LDB2: variants seen among roughly 807,000 people sequenced by gnomAD.
LDB2 encodes LIM domain-binding protein 2.
Under a neutral mutation model 44.3 loss-of-function variants are expected in LDB2, and 12 were observed. That is an observed-to-expected ratio of 0.27 (90% CI 0.17 to 0.44). The LOEUF is 0.44. LDB2 is among the 20% of genes least tolerant of loss of function. The pLI, the probability that LDB2 is intolerant of heterozygous loss-of-function variation, is 1.00. For missense variants in LDB2, 344 were observed against 473.5 expected (o/e 0.73, Z 2.54); for synonymous variants, 164 against 174.8 (o/e 0.94, Z 0.49).
At chr4:16,630,235 T>C (rs1731530431) in intron 2 of LDB2, among the ~76,000 whole-genome samples, 1 of 152,204 alleles carries the variant, frequency 6.6e-6, no homozygotes, top group African/African-American at 2.4e-5. Context: ...CTAACAGTGA[T>C]GTCTCTGCAG....
chr4:16,675,250 T>C (rs1578686335), intron 2 of LDB2, among the ~76,000 whole-genome samples: 1 of 152,336 alleles, frequency 6.6e-6, no homozygotes, highest in African/African-American at 2.4e-5. Context: ...CACACCTGAC[T>C]TAATTCAGAT....
chr4:16,648,424 G>C (rs1737368367), intron 2 of LDB2, among the ~76,000 whole-genome samples: 1 of 152,180 alleles, frequency 6.6e-6, no homozygotes, highest in African/African-American at 2.4e-5. Flanking sequence ...GGTCAAGCAG[G>C]CATTGTGTAT....
chr4:16,560,586 A>G (rs1384230687), intron 5 of LDB2, among the ~76,000 whole-genome samples: 2 of 152,296 alleles, frequency 1.3e-5, no homozygotes, highest in African/African-American at 2.4e-5. Context: ...TAGCTTACCA[A>G]CCAAAAAGAG....
rs534619538 is a variant in LDB2 at position 16,507,720 on chromosome 4, G to A, written c.891+815C>T. Reference sequence around the variant, plus strand: ...TGGTATGACAGGGACAGCAGAGAAGGAACAGAAGCACTTTAAAGGAGCAAA... The same window carrying A: ...TGGTATGACAGGGACAGCAGAGAAGAAACAGAAGCACTTTAAAGGAGCAAA... On this transcript the variant is annotated intron_variant, in intron 7 of 7. Coordinates refer to ENST00000304523, the MANE Select transcript of LDB2 (RefSeq NM_001290.5). Among the ~76,000 whole-genome samples the A allele has an allele frequency of 7.9e-5, 12 of 152,242 alleles. No individual in the cohort carries two copies. In the South Asian group the frequency reaches 2.3e-3, roughly 29 times the overall value.
intron 7 of LDB2, chr4:16,506,392 A>T (rs2152209077): frequency 6.2e-6 from 1 of 162,102 alleles, no homozygotes; most frequent in South Asian, 1.8e-4. Context: ...CCTTGCTCTT[A>T]ATCACACAAA....
intron 2 of LDB2, among the ~76,000 whole-genome samples, chr4:16,742,559 GA>G (rs1763525528): frequency 6.6e-6 from 1 of 152,184 alleles, no homozygotes; most frequent in Non-Finnish European, 1.5e-5. Context: ...TGGTGGAGAA[GA>G]AAGACTTTTT....
intron 5 of LDB2, among the ~76,000 whole-genome samples, chr4:16,554,644 G>A (rs1738875615): frequency 6.6e-6 from 1 of 152,188 alleles, no homozygotes; most frequent in South Asian, 2.1e-4. Context: ...AACTGTAAAT[G>A]CATATTGCTA....
chr4:16,827,308 G>A (rs1783238339), intron 1 of LDB2, among the ~76,000 whole-genome samples: 1 of 152,184 alleles, frequency 6.6e-6, no homozygotes, highest in Admixed American at 6.6e-5. Context: ...CTGGATACAG[G>A]TTGAGATTTT....
At chr4:16,551,188 G>T (rs570219324) in intron 5 of LDB2, among the ~76,000 whole-genome samples, 1 of 152,154 alleles carries the variant, frequency 6.6e-6, no homozygotes, top group East Asian at 1.9e-4. Flanking sequence ...AATTTAGGAG[G>T]GTCGATTGAG....
In LDB2 at chr4:16,671,189, G is replaced by A. The variant is rs201094977; in HGVS notation, c.236-75314C>T. Among the ~76,000 whole-genome samples the A allele has an allele frequency of 1.5e-4, 23 of 152,124 alleles. No homozygotes were observed. The East Asian group carries it at 4.1e-3, about 27-fold the overall frequency. ...TCCCTCTTAAAATTTGGAAGTGGGG[G>A]GATATTAAAATCTAGGTGTACCCTT... On this transcript the variant is annotated intron_variant, in intron 2 of 7. Transcript: ENST00000304523.
At chr4:16,708,916 G>T (rs1194927076) in intron 2 of LDB2, among the ~76,000 whole-genome samples, 3 of 152,016 alleles carry the variant, frequency 2.0e-5, no homozygotes, top group African/African-American at 7.2e-5. Context: ...CACTCTGCAG[G>T]TCTCTACCCT....
chr4:16,665,734 G>T (rs1578601596), intron 2 of LDB2, among the ~76,000 whole-genome samples: 1 of 152,218 alleles, frequency 6.6e-6, no homozygotes, highest in East Asian at 1.9e-4. Flanking sequence ...TGTCCATTTG[G>T]AACGTGTAAA....
chr4:16,829,741 A>G (rs1783724576), intron 1 of LDB2, among the ~76,000 whole-genome samples: 1 of 152,170 alleles, frequency 6.6e-6, no homozygotes. Flanking sequence ...TATGACCAGT[A>G]CTTCTCATCA....
At chr4:16,594,607 G>A (rs116485484) in intron 3 of LDB2, among the ~76,000 whole-genome samples, 2,719 of 152,296 alleles carry the variant, frequency 0.018, 90 homozygotes, top group African/African-American at 0.062. Context: ...TCGTACACCA[G>A]CATGGGCACT....
At chr4:16,561,471 G>C (rs563665611) in intron 5 of LDB2, among the ~76,000 whole-genome samples, 69 of 152,278 alleles carry the variant, frequency 4.5e-4, no homozygotes, top group African/African-American at 1.6e-3. Context: ...ATTCACAATT[G>C]CCTCAAAGAG....
chr4:16,656,057 G>A (rs1349283376), intron 2 of LDB2, among the ~76,000 whole-genome samples: 5 of 151,694 alleles, frequency 3.3e-5, no homozygotes, highest in African/African-American at 9.7e-5. Context: ...CTGCCACCAC[G>A]CCCGGCTAAT....
chr4:16,721,940 T>A (rs1296884602), intron 2 of LDB2, among the ~76,000 whole-genome samples: 1 of 152,210 alleles, frequency 6.6e-6, no homozygotes, highest in Non-Finnish European at 1.5e-5. Flanking sequence ...AATAAAAGTT[T>A]CAAATTCATT....
At chr4:16,597,855 A>G (rs1721437167) in intron 2 of LDB2, among the ~76,000 whole-genome samples, 1 of 152,184 alleles carries the variant, frequency 6.6e-6, no homozygotes, top group South Asian at 2.1e-4. Flanking sequence ...TAAGTTTTAA[A>G]TTACTTCCCC....
chr4:16,666,904 C>G (rs751094322), intron 2 of LDB2, among the ~76,000 whole-genome samples: 1 of 152,008 alleles, frequency 6.6e-6, no homozygotes, highest in South Asian at 2.1e-4. Flanking sequence ...AGACCTTATT[C>G]CCTCCACATT....
Sources: allele counts gnomAD v4.1 joint callset (sites outside exome capture counted in the v4.1 genomes callset), GRCh38; gene constraint gnomAD v4.1.1; transcripts MANE v1.5; gene names NCBI Gene and HGNC (gene_info 2026-07-23, HGNC 2026-07-21).